Variants in CIB1 observed in about 807,000 individuals in gnomAD.
CIB1 encodes the protein calcium and integrin-binding protein 1.
CIB1 carries 19 observed loss-of-function variants against 25.0 expected under a neutral mutation model. That is an observed-to-expected ratio of 0.76 (90% confidence interval 0.53 to 1.12). The LOEUF (loss-of-function observed/expected upper bound fraction) is 1.12, where lower values mean the gene tolerates loss of function less well. CIB1 is among the 50% of genes most tolerant of loss of function. CIB1 has a pLI of 0.00. For missense variants in CIB1, 236 were observed against 242.6 expected, an observed-to-expected ratio of 0.97 and a Z score of 0.18; for synonymous variants, 104 against 98.5, an observed-to-expected ratio of 1.06 and a Z score of -0.33.
Position 90,233,686 on chromosome 15 carries a change from C to G in CIB1, c.69G>C (p.Thr23=), listed in dbSNP as rs1962562243. Residue 23 remains threonine, a synonymous_variant, in exon 2 of 7, where the codon ACG becomes ACC. Transcript: ENST00000328649. ...LAEYQDLTFL[T]KQEILLAHRR... is the part of the protein sequence containing the mutation. ...GCACTTACAGGAGGATCTCCTGCTTCGTCAGGAACGTCAAGTCCTGGAAGG... is the reference window on the plus strand; with the variant it reads ...GCACTTACAGGAGGATCTCCTGCTTGGTCAGGAACGTCAAGTCCTGGAAGG... 1 of 1,576,976 alleles carries G rather than the reference C, an allele frequency of 6.3e-7. No individual in the cohort carries two copies.
At chr15:90,250,641 G>T in the CIB1 span, 1 of 1,613,290 alleles carries the variant, frequency 6.2e-7, no homozygotes, top group Non-Finnish European at 8.5e-7. Flanking sequence ...ATGGAGCCGA[G>T]TACCTGTAGG....
the CIB1 span, chr15:90,262,169 A>G: frequency 6.5e-7 from 1 of 1,534,996 alleles, no homozygotes; most frequent in East Asian, 2.4e-5. Context: ...TGCTGCTTCC[A>G]AGGCCAGAGA....
chr15:90,237,668 A>T (rs941746957), upstream of CIB1, among the ~76,000 whole-genome samples: 2 of 151,984 alleles, frequency 1.3e-5, no homozygotes, highest in Admixed American at 6.6e-5. Flanking sequence ...GGCCATCTTT[A>T]TATCTTATTT....
At chr15:90,265,619 C>T in the CIB1 span, 2 of 1,507,150 alleles carry the variant, frequency 1.3e-6, no homozygotes, top group Admixed American at 1.9e-5. Context: ...CTTGCTACTA[C>T]CCAGCCTCCG....
At chr15:90,257,349 G>A in the CIB1 span, 1 of 1,540,678 alleles carries the variant, frequency 6.5e-7, no homozygotes, top group Non-Finnish European at 8.7e-7. Context: ...GAGAAACATG[G>A]TAGAGAGGTT....
At chr15:90,265,707 G>A in the CIB1 span, 2 of 1,613,232 alleles carry the variant, frequency 1.2e-6, no homozygotes, top group East Asian at 4.5e-5. Context: ...GCTGGTTTGC[G>A]TCGACATGGC....
chr15:90,230,712 G>A (rs1962456594), intron 6 of CIB1, among the ~76,000 whole-genome samples: 1 of 151,610 alleles, frequency 6.6e-6, no homozygotes, highest in African/African-American at 2.4e-5. Flanking sequence ...TATTACTAAT[G>A]AGTACAAACA....
chr15:90,256,698 CTCTT>C, the CIB1 span, among the ~76,000 whole-genome samples: 1 of 150,598 alleles, frequency 6.6e-6, no homozygotes, highest in Non-Finnish European at 1.5e-5. Context: ...ACCTCTCTCT[CTCTT>C]TCTTTCGATG....
At chr15:90,245,963 C>G in the CIB1 span, among the ~76,000 whole-genome samples, 1 of 152,074 alleles carries the variant, frequency 6.6e-6, no homozygotes, top group Admixed American at 6.6e-5. Flanking sequence ...CAGGACCTCC[C>G]CACGTTTTTG....
the CIB1 span, among the ~76,000 whole-genome samples, chr15:90,256,563 TTC>T: frequency 9.9e-5 from 4 of 40,524 alleles, no homozygotes; most frequent in Admixed American, 2.9e-4. Flanking sequence ...CTTTCTTTCT[TTC>T]TTTCTTTCTT....
the CIB1 span, among the ~76,000 whole-genome samples, chr15:90,249,214 C>CAAAAA: frequency 0.013 from 1,174 of 88,176 alleles, 53 homozygotes; most frequent in African/African-American, 0.054. Context: ...GACCCCGTCT[C>CAAAAA]AAAAAAAAAA....
the CIB1 span, chr15:90,255,780 C>T: frequency 6.2e-7 from 1 of 1,614,154 alleles, no homozygotes; most frequent in African/African-American, 1.3e-5. Context: ...CCTGGCATGA[C>T]AGAAATCTGC....
the CIB1 span, among the ~76,000 whole-genome samples, chr15:90,249,990 C>G: frequency 7.3e-6 from 1 of 137,000 alleles, no homozygotes; most frequent in Admixed American, 7.8e-5. Context: ...CAGACTCTTG[C>G]TCTGTCGCCC....
chr15:90,254,579 G>A, the CIB1 span, among the ~76,000 whole-genome samples: 1 of 151,538 alleles, frequency 6.6e-6, no homozygotes, highest in Non-Finnish European at 1.5e-5. Flanking sequence ...GGTGGCTCTC[G>A]TGCCTGAAAT....
chr15:90,259,657 C>T, the CIB1 span, among the ~76,000 whole-genome samples: 1 of 152,216 alleles, frequency 6.6e-6, no homozygotes, highest in Non-Finnish European at 1.5e-5. Context: ...CATGTTAGCA[C>T]ATAAGGAACT....
chr15:90,242,043 C>T, the CIB1 span: 2 of 1,608,738 alleles, frequency 1.2e-6, no homozygotes, highest in Non-Finnish European at 1.7e-6. Context: ...ACTGGTGGCC[C>T]TGATGTCCCA....
chr15:90,241,854 C>G, the CIB1 span: 1 of 1,614,180 alleles, frequency 6.2e-7, no homozygotes, highest in Non-Finnish European at 8.5e-7. Context: ...TCTGTGGGCC[C>G]GGAAGTCCAG....
the CIB1 span, chr15:90,257,650 T>G: frequency 6.2e-7 from 1 of 1,614,196 alleles, no homozygotes; most frequent in Non-Finnish European, 8.5e-7. Context: ...AATGTCTGCA[T>G]GCACCTGACC....
At chr15:90,243,140 G>C in the CIB1 span, 6 of 152,188 alleles carry the variant, frequency 3.9e-5, no homozygotes, top group African/African-American at 1.2e-4. Context: ...CTCCAGTATT[G>C]AGCTGCCACT....
Sources: gnomAD v4.1 joint callset for allele counts (sites outside exome capture counted in the v4.1 genomes callset) on GRCh38, gnomAD v4.1.1 for gene constraint, MANE v1.5 for transcripts, NCBI Gene and HGNC (gene_info 2026-07-23, HGNC 2026-07-21) for gene names.